The following PLD5 variants were observed in gnomAD, a reference collection of about 807,000 sequenced individuals.
PLD5 encodes inactive phospholipase D5.
Under a neutral mutation model 61.1 loss-of-function variants are expected in PLD5, and 36 were observed. That is an observed-to-expected ratio of 0.59 (90% CI 0.45 to 0.78). PLD5 has a LOEUF of 0.78. Among genes scored for constraint, PLD5 ranks in the 30% least tolerant of loss-of-function variants. PLD5 has a pLI of 0.00. For missense variants in PLD5, 515 were observed against 644.4 expected, an observed-to-expected ratio of 0.80 and a Z score of 2.17; for synonymous variants, 243 against 242.8, an observed-to-expected ratio of 1.00 and a Z score of -0.01.
chr1:242,165,220 G>A (rs1666214494), intron 5 of PLD5, among the ~76,000 whole-genome samples: 1 of 152,002 alleles, frequency 6.6e-6, no homozygotes, highest in African/African-American at 2.4e-5. Context: ...GGTTTGAACT[G>A]TGGTTACCAT....
intron 1 of PLD5, among the ~76,000 whole-genome samples, chr1:242,475,877 C>G (rs115442167): frequency 6.6e-6 from 1 of 152,174 alleles, no homozygotes; most frequent in Non-Finnish European, 1.5e-5. Flanking sequence ...GGGTGGCCAC[C>G]TGCCAGCCAT....
chr1:242,295,476 TC>T (rs1675603376), intron 2 of PLD5, among the ~76,000 whole-genome samples: 1 of 152,242 alleles, frequency 6.6e-6, no homozygotes. Context: ...ATGATTTCAC[TC>T]TTTTTTATGG....
intron 1 of PLD5, among the ~76,000 whole-genome samples, chr1:242,523,323 AC>A (rs1355533654): frequency 2.0e-5 from 3 of 151,698 alleles, no homozygotes; most frequent in African/African-American, 7.3e-5. Context: ...CTGTGGATCC[AC>A]TAAACGCCTT....
intron 3 of PLD5, among the ~76,000 whole-genome samples, chr1:242,272,140 G>A (rs1185737803): frequency 6.6e-6 from 1 of 152,076 alleles, no homozygotes; most frequent in Non-Finnish European, 1.5e-5. Context: ...ACGAAAAATG[G>A]AGGTGAGCTT....
intron 8 of PLD5, among the ~76,000 whole-genome samples, chr1:242,106,932 C>T (rs1271364380): frequency 1.3e-5 from 2 of 152,022 alleles, no homozygotes; most frequent in Non-Finnish European, 2.9e-5. Context: ...AGGAAGAGGG[C>T]GACGAGGACT....
intron 1 of PLD5, among the ~76,000 whole-genome samples, chr1:242,505,997 T>A (rs1029566076): frequency 3.9e-5 from 6 of 152,166 alleles, no homozygotes; most frequent in African/African-American, 1.4e-4. Context: ...GTATAAAAGC[T>A]CCCATTTTTG....
intron 9 of PLD5, among the ~76,000 whole-genome samples, chr1:242,091,468 T>C (rs966029919): frequency 1.3e-5 from 2 of 152,166 alleles, no homozygotes; most frequent in Admixed American, 6.5e-5. Context: ...ACCATGGTCA[T>C]AGATGTTTAC....
chr1:242,295,463 G>A (rs1280675083), intron 2 of PLD5, among the ~76,000 whole-genome samples: 1 of 152,178 alleles, frequency 6.6e-6, no homozygotes, highest in Non-Finnish European at 1.5e-5. Flanking sequence ...TGGTGCAAAG[G>A]ACATGATTTC....
At chr1:242,186,864 A>G (rs1667934989) in intron 5 of PLD5, among the ~76,000 whole-genome samples, 2 of 152,220 alleles carry the variant, frequency 1.3e-5, no homozygotes, top group Admixed American at 6.5e-5. Flanking sequence ...CATATACCTG[A>G]GGCAAATAAG....
At chr1:242,209,297 C>A (rs1340913898) in intron 5 of PLD5, 2 of 152,148 alleles carry the variant, frequency 1.3e-5, no homozygotes, top group Non-Finnish European at 2.9e-5. Context: ...CCACAGGACT[C>A]CCTGCAGCCA....
At chr1:242,502,928 G>GCA (rs1668603016) in intron 1 of PLD5, among the ~76,000 whole-genome samples, 1 of 152,074 alleles carries the variant, frequency 6.6e-6, no homozygotes, top group African/African-American at 2.4e-5. Context: ...TGGCGTGGTG[G>GCA]CACACACCTG....
At chr1:242,493,198 C>T (rs887455148) in intron 1 of PLD5, among the ~76,000 whole-genome samples, 4 of 152,172 alleles carry the variant, frequency 2.6e-5, no homozygotes, top group African/African-American at 9.7e-5. Flanking sequence ...ATTACCCTTC[C>T]TGTCATACAC....
chr1:242,100,638 C>A (rs1206198240), intron 9 of PLD5, 30 bp downstream of exon 9: 1 of 1,568,204 alleles, frequency 6.4e-7, no homozygotes, highest in African/African-American at 1.4e-5. Context: ...GTGACCCCCA[C>A]CCAAGGAGCT....
chr1:242,451,856 C>T (rs1156829624), intron 1 of PLD5, among the ~76,000 whole-genome samples: 1 of 152,120 alleles, frequency 6.6e-6, no homozygotes, highest in Middle Eastern at 3.2e-3. Context: ...CTTAAAGTTT[C>T]CTCTCCCACC....
chr1:242,219,231 A>G (rs10803025), intron 5 of PLD5, among the ~76,000 whole-genome samples: 46,235 of 152,148 alleles, frequency 0.3, 7,319 homozygotes, highest in East Asian at 0.53. Flanking sequence ...AGAAAGGAAC[A>G]CTAATTTAAG....
At position 242,222,455 on chromosome 1, in the gene PLD5, C is replaced by A. The variant is rs183602155; in HGVS notation, c.608-2340G>T. ...TGGCCTCAGATTCCACGTCAGCATG[C>A]ACCTTGTCAAGCCTTCCCCTGCTCT... On this transcript the variant is annotated intron_variant, in intron 4 of 9. Transcript: ENST00000536534. 2.2e-3 allele frequency among the ~76,000 whole-genome samples: 337 copies of A among 152,288 alleles called. 2 individuals carry two copies. The highest frequency in any genetic ancestry group is 0.016 in the Admixed American group (248 of 15,296).
At chr1:242,348,816 A>T (rs1259070701) in intron 1 of PLD5, among the ~76,000 whole-genome samples, 1 of 152,152 alleles carries the variant, frequency 6.6e-6, no homozygotes, top group South Asian at 2.1e-4. Flanking sequence ...GCACTTTGGG[A>T]GGCCAAGGCG....
chr1:242,116,659 A>ATGGTATT (rs144822672), intron 6 of PLD5, among the ~76,000 whole-genome samples: 11,387 of 152,046 alleles, frequency 0.075, 464 homozygotes, highest in African/African-American at 0.11. Flanking sequence ...AAGTGAGAAC[A>ATGGTATT]TGGTATTTGG....
At chr1:242,282,143 C>T (rs892891888) in intron 3 of PLD5, among the ~76,000 whole-genome samples, 1 of 152,090 alleles carries the variant, frequency 6.6e-6, no homozygotes, top group Non-Finnish European at 1.5e-5. Context: ...ATAACAAACC[C>T]TTATATAGGC....
Sources: gnomAD v4.1 joint callset for allele counts (sites outside exome capture counted in the v4.1 genomes callset) on GRCh38, gnomAD v4.1.1 for gene constraint, MANE v1.5 for transcripts, NCBI Gene and HGNC (gene_info 2026-07-23, HGNC 2026-07-21) for gene names.